KIAA1328: variants seen among roughly 807,000 people sequenced by gnomAD.
KIAA1328 encodes the protein KIAA1328.
Under a neutral mutation model 68.1 loss-of-function variants are expected in KIAA1328, and 52 were observed. That is an observed-to-expected ratio of 0.76 (90% CI 0.61 to 0.96). The LOEUF (loss-of-function observed/expected upper bound fraction) is 0.96, where lower values mean the gene tolerates loss of function less well. Among genes scored for constraint, KIAA1328 ranks in the 40% least tolerant of loss-of-function variants. The probability of loss-of-function intolerance (pLI) is 0.00; values close to 1 mark genes in which losing one functional copy is unlikely to be tolerated. For missense variants in KIAA1328, 641 were observed against 677.6 expected (o/e 0.95, Z 0.60); for synonymous variants, 232 against 239.4 (o/e 0.97, Z 0.28).
intron 7 of KIAA1328, among the ~76,000 whole-genome samples, chr18:37,120,913 T>C (rs1317176945): frequency 6.6e-6 from 1 of 152,116 alleles, no homozygotes; most frequent in East Asian, 1.9e-4. Flanking sequence ...CTGAGAAGCA[T>C]CGAGATTTTA....
chr18:36,877,833 A>AT (rs1160238739), intron 4 of KIAA1328, among the ~76,000 whole-genome samples: 2 of 151,310 alleles, frequency 1.3e-5, no homozygotes, highest in East Asian at 1.9e-4. Context: ...TGGCTGGCTA[A>AT]TTTTTTTGTA....
intron 9 of KIAA1328, among the ~76,000 whole-genome samples, chr18:37,190,577 C>T (rs1459781764): frequency 6.6e-6 from 1 of 152,136 alleles, no homozygotes; most frequent in Non-Finnish European, 1.5e-5. Flanking sequence ...CTTTGGCAAA[C>T]CACATTTCTT....
intron 6 of KIAA1328, among the ~76,000 whole-genome samples, chr18:37,014,101 T>A (rs1200145458): frequency 6.6e-6 from 1 of 152,234 alleles, no homozygotes; most frequent in Non-Finnish European, 1.5e-5. Flanking sequence ...TGATTAGTGA[T>A]GATGTGAATT....
chr18:36,851,929 T>A (rs976251844), intron 4 of KIAA1328, among the ~76,000 whole-genome samples: 1 of 152,098 alleles, frequency 6.6e-6, no homozygotes, highest in African/African-American at 2.4e-5. Flanking sequence ...TAGCTATAAA[T>A]TTTCCTCTGA....
At chr18:36,926,307 C>CT (rs563361013) in intron 5 of KIAA1328, among the ~76,000 whole-genome samples, 54 of 152,230 alleles carry the variant, frequency 3.5e-4, no homozygotes, top group African/African-American at 1.2e-3. Context: ...CACCAGGCAA[C>CT]TTTGTGTTAT....
chr18:36,858,415 T>C (rs1396366435), intron 4 of KIAA1328, among the ~76,000 whole-genome samples: 1 of 152,176 alleles, frequency 6.6e-6, no homozygotes, highest in Non-Finnish European at 1.5e-5. Context: ...AACAGATAGT[T>C]CAGAGAGTTC....
rs2060574661 is a variant in KIAA1328, at chr18:37,222,076, C to T, written c.1583C>T (p.Pro528Leu). Residue 528 changes from proline (P) to leucine (L), a missense_variant, in exon 10 of 10, where the codon CCT becomes CTT. Pro to Leu is a moderately conservative substitution (Grantham distance 98). Transcript: ENST00000280020. ...QSLSPNSAPK[P>L]QRYPSREAGA... ...CTGAGCCCAAACTCTGCGCCCAAAC[C>T]TCAGCGCTATCCCTCCAGAGAAGCT... 6.2e-7 allele frequency: 1 copy of T among 1,613,620 alleles called. No homozygotes were observed. The highest frequency in any genetic ancestry group is 1.3e-5 in the African/African-American group (1 of 74,888).
At chr18:37,162,258 G>T (rs2059296407) in intron 8 of KIAA1328, among the ~76,000 whole-genome samples, 1 of 150,416 alleles carries the variant, frequency 6.6e-6, no homozygotes, top group African/African-American at 2.4e-5. Context: ...TTGTGGGGGT[G>T]GGGGAAGGTT....
intron 9 of KIAA1328, among the ~76,000 whole-genome samples, chr18:37,199,844 TC>T (rs1205735174): frequency 3.9e-5 from 6 of 152,234 alleles, no homozygotes; most frequent in Non-Finnish European, 8.8e-5. Flanking sequence ...TCTTTAATGA[TC>T]AATGATGTTG....
chr18:37,156,426 CAA>C (rs769062667), intron 7 of KIAA1328, among the ~76,000 whole-genome samples: 875 of 36,082 alleles, frequency 0.024, 10 homozygotes, highest in African/African-American at 0.069. Flanking sequence ...AACTCCGCCT[CAA>C]AAAAAAAAAA....
intron 7 of KIAA1328, among the ~76,000 whole-genome samples, chr18:37,071,972 G>C (rs895067897): frequency 6.6e-6 from 1 of 152,082 alleles, no homozygotes; most frequent in Non-Finnish European, 1.5e-5. Context: ...AGCCTAAACA[G>C]AGTCTCTCAT....
intron 7 of KIAA1328, among the ~76,000 whole-genome samples, chr18:37,134,543 G>T (rs911328643): frequency 1.3e-5 from 2 of 152,068 alleles, no homozygotes; most frequent in Non-Finnish European, 2.9e-5. Flanking sequence ...TGGCTTAAAA[G>T]AAGACAGCTG....
At chr18:37,018,016 G>A (rs1255411870) in intron 6 of KIAA1328, among the ~76,000 whole-genome samples, 1 of 151,964 alleles carries the variant, frequency 6.6e-6, no homozygotes, top group Non-Finnish European at 1.5e-5. Flanking sequence ...TGTTCAGCTG[G>A]TTGCCTTGTA....
chr18:37,133,332 C>T (rs911632916), intron 7 of KIAA1328, among the ~76,000 whole-genome samples: 2 of 147,864 alleles, frequency 1.4e-5, no homozygotes, highest in Non-Finnish European at 3.0e-5. Flanking sequence ...AAAAAAAAAA[C>T]TACCAATGGA....
At chr18:37,062,941 G>A (rs1434278000) in intron 6 of KIAA1328, among the ~76,000 whole-genome samples, 1 of 152,024 alleles carries the variant, frequency 6.6e-6, no homozygotes, top group Non-Finnish European at 1.5e-5. Context: ...ACCTCACAAC[G>A]GTTTCTGTGG....
At chr18:36,926,616 C>A (rs144660812) in intron 5 of KIAA1328, among the ~76,000 whole-genome samples, 7 of 152,244 alleles carry the variant, frequency 4.6e-5, no homozygotes, top group African/African-American at 1.7e-4. Context: ...AAACCACTCT[C>A]TGGAGTAGAA....
intron 7 of KIAA1328, among the ~76,000 whole-genome samples, chr18:37,121,967 C>T (rs2058283657): frequency 6.6e-6 from 1 of 151,974 alleles, no homozygotes; most frequent in African/African-American, 2.4e-5. Flanking sequence ...AACTGGTAGC[C>T]TCAAGGCTGA....
intron 6 of KIAA1328, among the ~76,000 whole-genome samples, chr18:37,053,841 A>G (rs2055800621): frequency 6.6e-6 from 1 of 152,162 alleles, no homozygotes; most frequent in Non-Finnish European, 1.5e-5. Flanking sequence ...TTACAATTCA[A>G]GATGAGATTT....
intron 5 of KIAA1328, among the ~76,000 whole-genome samples, chr18:36,896,291 T>C (rs541093239): frequency 6.6e-6 from 1 of 152,318 alleles, no homozygotes; most frequent in African/African-American, 2.4e-5. Flanking sequence ...TTTGGCAATC[T>C]TGTTGCCTTA....
Sources: allele counts gnomAD v4.1 joint callset (sites outside exome capture counted in the v4.1 genomes callset), GRCh38; gene constraint gnomAD v4.1.1; transcripts MANE v1.5; gene names NCBI Gene and HGNC (gene_info 2026-07-23, HGNC 2026-07-21).